Variants in GPR176 observed in about 807,000 individuals in gnomAD.
GPR176 encodes the protein G-protein coupled receptor 176.
GPR176 carries 26 observed loss-of-function variants against 35.4 expected under a neutral mutation model. That is an observed-to-expected ratio of 0.74 (90% confidence interval 0.54 to 1.02). The LOEUF (loss-of-function observed/expected upper bound fraction) is 1.02, where lower values mean the gene tolerates loss of function less well. Ranked by LOEUF, GPR176 falls within the 50% of genes least tolerant of loss-of-function variation. GPR176 has a pLI of 0.00. For missense variants in GPR176, 597 were observed against 665.3 expected, an observed-to-expected ratio of 0.90 and a Z score of 1.13; for synonymous variants, 278 against 271.3, an observed-to-expected ratio of 1.02 and a Z score of -0.24.
chr15:39,818,253 G>A (rs1322974618), intron 1 of GPR176, among the ~76,000 whole-genome samples: 2 of 152,200 alleles, frequency 1.3e-5, no homozygotes, highest in African/African-American at 4.8e-5. Context: ...ATTGGCATGA[G>A]AAAATCATGT....
chr15:39,838,746 G>A (rs551238342), intron 1 of GPR176, among the ~76,000 whole-genome samples: 20 of 152,244 alleles, frequency 1.3e-4, no homozygotes, highest in African/African-American at 4.6e-4. Flanking sequence ...GGCAAAAACT[G>A]GAAGCATTCC....
chr15:39,812,851 C>A (rs1899665102), intron 1 of GPR176, among the ~76,000 whole-genome samples: 1 of 151,910 alleles, frequency 6.6e-6, no homozygotes, highest in African/African-American at 2.4e-5. Flanking sequence ...TCAAGTGCTC[C>A]TCCTGCCTCA....
At chr15:39,841,564 T>C (rs1256672786) in intron 1 of GPR176, among the ~76,000 whole-genome samples, 1 of 151,974 alleles carries the variant, frequency 6.6e-6, no homozygotes, top group Non-Finnish European at 1.5e-5. Flanking sequence ...GAGTGATGCA[T>C]CTATAAGCTG....
chr15:39,849,667 TGAA>T (rs2030715255), intron 1 of GPR176, among the ~76,000 whole-genome samples: 1 of 152,082 alleles, frequency 6.6e-6, no homozygotes, highest in Admixed American at 6.6e-5. Context: ...GGTCAATCAA[TGAA>T]GAAGAAGCAC....
chr15:39,806,916 G>T, intron 2 of GPR176, 90 bp downstream of exon 2: 1 of 1,163,498 alleles, frequency 8.6e-7, no homozygotes, highest in South Asian at 1.5e-5. Context: ...AGCAGTATAC[G>T]GAACATTGAC....
At position 39,801,585 on chromosome 15, in the gene GPR176, C is replaced by T. The variant is rs551101879; in HGVS notation, c.1095G>A (p.Ser365=). The part of the protein sequence containing the change: ...AEASLEPSIR[S]GSQLLEMFHI... ...GGAACATCTCCAGGAGCTGGCTACC[C>T]GAGCGTATGCTGGGTTCCAGGCTGG... Residue 365 remains serine (S), a synonymous_variant, in exon 3 of 3, where the codon TCG becomes TCA. Transcript: ENST00000561100. The T allele has an allele frequency of 4.2e-5, 67 of 1,614,018 alleles. 1 individual carries two copies. The Admixed American group carries it at 8.7e-4, about 21-fold the overall frequency.
intron 1 of GPR176, among the ~76,000 whole-genome samples, chr15:39,861,662 T>G (rs2031597069): frequency 6.6e-6 from 1 of 152,210 alleles, no homozygotes; most frequent in Admixed American, 6.5e-5. Flanking sequence ...AATCTCCATT[T>G]AATATTCTGT....
chr15:39,833,178 T>A (rs1464244185), intron 1 of GPR176, among the ~76,000 whole-genome samples: 5 of 152,136 alleles, frequency 3.3e-5, no homozygotes, highest in South Asian at 2.1e-4. Context: ...AAGGAAAACA[T>A]GTCCACATAG....
At chr15:39,819,480 G>A (rs1013067474) in intron 1 of GPR176, among the ~76,000 whole-genome samples, 4 of 152,162 alleles carry the variant, frequency 2.6e-5, no homozygotes, top group African/African-American at 9.7e-5. Flanking sequence ...ATTAAAACCT[G>A]AAGTTTAATA....
chr15:39,812,653 C>T (rs1899645972), intron 1 of GPR176, among the ~76,000 whole-genome samples: 1 of 152,036 alleles, frequency 6.6e-6, no homozygotes. Flanking sequence ...TAATAAACTC[C>T]CCTTCATATA....
At chr15:39,853,694 G>T (rs532700073) in intron 1 of GPR176, among the ~76,000 whole-genome samples, 58 of 152,218 alleles carry the variant, frequency 3.8e-4, no homozygotes, top group African/African-American at 1.3e-3. Context: ...GACATTTTTG[G>T]TTGTCATAGC....
At chr15:39,885,635 T>C (rs1304459582) in intron 1 of GPR176, among the ~76,000 whole-genome samples, 3 of 152,238 alleles carry the variant, frequency 2.0e-5, no homozygotes, top group Admixed American at 1.3e-4. Context: ...TGAATAAAGA[T>C]TTATCATAGG....
At chr15:39,904,203 G>T (rs957372442) in intron 1 of GPR176, among the ~76,000 whole-genome samples, 11 of 152,074 alleles carry the variant, frequency 7.2e-5, no homozygotes, top group Non-Finnish European at 1.6e-4. Context: ...TTTATGACCT[G>T]TATCTTGTGC....
chr15:39,829,748 A>G (rs1488575698), intron 1 of GPR176, among the ~76,000 whole-genome samples: 1 of 152,032 alleles, frequency 6.6e-6, no homozygotes, highest in Non-Finnish European at 1.5e-5. Flanking sequence ...TCTCCTTTCC[A>G]AGCTGGGAAA....
chr15:39,900,313 A>G (rs967852127), intron 1 of GPR176, among the ~76,000 whole-genome samples: 38 of 152,046 alleles, frequency 2.5e-4, no homozygotes, highest in African/African-American at 8.0e-4. Flanking sequence ...ATTAGTCAAC[A>G]TATGGAAGTT....
intron 1 of GPR176, among the ~76,000 whole-genome samples, chr15:39,816,096 C>G (rs1349373850): frequency 6.6e-6 from 1 of 152,088 alleles, no homozygotes; most frequent in African/African-American, 2.4e-5. Context: ...TCTAAAACAT[C>G]CAGAATCATA....
intron 1 of GPR176, among the ~76,000 whole-genome samples, chr15:39,848,464 T>C (rs562053209): frequency 1.3e-5 from 2 of 152,182 alleles, no homozygotes; most frequent in South Asian, 2.1e-4. Context: ...ACCAACAATA[T>C]CTAATTGACA....
At chr15:39,803,417 TTACAGGCATGCACTACCACGCC>T (rs1346914853) in intron 2 of GPR176, among the ~76,000 whole-genome samples, 3 of 151,774 alleles carry the variant, frequency 2.0e-5, no homozygotes, top group Non-Finnish European at 4.4e-5. Context: ...GCAGCTGGGA[TTACAGGCATGCACTACCACGCC>T]TGGCTAATTT....
chr15:39,801,940 G>A lies in GPR176; in HGVS notation c.740C>T (p.Thr247Ile). ...KKKVIIAALR[T>I]PQNTISIPYA... is the part of the protein sequence containing the mutation. Reference sequence around the variant, plus strand: ...GGGAATAGAGATGGTGTTCTGTGGGGTCCGGAGCGCTGCTATGATGACCTT... The same window carrying A: ...GGGAATAGAGATGGTGTTCTGTGGGATCCGGAGCGCTGCTATGATGACCTT... The change falls in exon 3 of 3, where the codon ACC (threonine) becomes ATC (isoleucine). Residue 247 changes from threonine to isoleucine, a missense_variant. By Grantham distance (89) the Thr-to-Ile change is moderately conservative. Transcript: ENST00000561100. 6.2e-7 allele frequency: 1 copy of A among 1,614,044 alleles called. No individual in the cohort carries two copies. The highest frequency in any genetic ancestry group is 8.5e-7 in the Non-Finnish European group (1 of 1,179,968).
Sources: gnomAD v4.1 joint callset for allele counts (sites outside exome capture counted in the v4.1 genomes callset) on GRCh38, gnomAD v4.1.1 for gene constraint, MANE v1.5 for transcripts, NCBI Gene and HGNC (gene_info 2026-07-23, HGNC 2026-07-21) for gene names.